Variants in MMP26 observed in about 807,000 individuals in gnomAD.
MMP26 encodes the protein matrix metalloproteinase-26.
MMP26 carries 33 observed loss-of-function variants against 31.0 expected under a neutral mutation model. The observed-to-expected ratio is 1.06, with a 90% confidence interval of 0.81 to 1.42. MMP26 has a LOEUF of 1.42. Among genes scored for constraint, MMP26 ranks in the 40% most tolerant of loss-of-function variants. MMP26 has a pLI of 0.00. For synonymous variants in MMP26, 122 were observed against 114.9 expected, an observed-to-expected ratio of 1.06 and a Z score of -0.40; for missense variants, 347 against 316.1, an observed-to-expected ratio of 1.10 and a Z score of -0.74.
rs78476023 is a variant in MMP26, at chr11:4,798,124, C to T, written c.-145+30783C>T. On this transcript the variant is annotated intron_variant, in intron 2 of 7. Coordinates refer to ENST00000380390, the MANE Select transcript of MMP26 (RefSeq NM_021801.5). ...AGAGAATTTCAAATCTCTTTTACGA[C>T]GGCCCATACTTAAGATAGACATGTT... is the stretch of plus-strand genomic sequence containing the variant. Among the ~76,000 whole-genome samples the T allele has an allele frequency of 5.0e-3, 764 of 152,294 alleles. 6 individuals carry two copies. The highest frequency in any genetic ancestry group is 0.017 in the African/African-American group (719 of 41,554).
chr11:4,946,076 T>C (rs1589947341), intron 2 of MMP26: 1 of 1,235,572 alleles, frequency 8.1e-7, no homozygotes, highest in East Asian at 2.3e-5. Flanking sequence ...GTGTTGATAA[T>C]TCTTGGTGTC....
chr11:4,804,068 A>G, intron 2 of MMP26: 1 of 1,614,108 alleles, frequency 6.2e-7, no homozygotes, highest in Non-Finnish European at 8.5e-7. Context: ...TGGATGAAGA[A>G]CACCTGGATG....
At chr11:4,907,095 T>A (rs370515395) in intron 2 of MMP26, among the ~76,000 whole-genome samples, 10 of 55,126 alleles carry the variant, frequency 1.8e-4, no homozygotes, top group South Asian at 7.7e-4. Flanking sequence ...AAACTCCCTC[T>A]AAAAAAAAAA....
intron 2 of MMP26, among the ~76,000 whole-genome samples, chr11:4,878,467 T>C (rs1425900319): frequency 6.6e-6 from 1 of 152,058 alleles, no homozygotes; most frequent in Non-Finnish European, 1.5e-5. Flanking sequence ...GAGAAAATGG[T>C]GCATTCAGTG....
intron 2 of MMP26, among the ~76,000 whole-genome samples, chr11:4,901,859 AAAT>A (rs1202664917): frequency 1.3e-5 from 2 of 152,204 alleles, no homozygotes; most frequent in African/African-American, 2.4e-5. Flanking sequence ...TGGGTCAATA[AAAT>A]ATTATGCAAA....
intron 2 of MMP26, among the ~76,000 whole-genome samples, chr11:4,918,410 T>G (rs1851130943): frequency 6.6e-6 from 1 of 152,124 alleles, no homozygotes. Context: ...AACTTGTGCT[T>G]CAGATTGTAA....
intron 2 of MMP26, among the ~76,000 whole-genome samples, chr11:4,823,355 T>C (rs1287289823): frequency 6.6e-6 from 1 of 152,174 alleles, no homozygotes; most frequent in Non-Finnish European, 1.5e-5. Flanking sequence ...AGCAAAGTCC[T>C]AGTCCATGTA....
chr11:4,855,856 A>G (rs1850043846), intron 2 of MMP26, among the ~76,000 whole-genome samples: 1 of 152,248 alleles, frequency 6.6e-6, no homozygotes. Context: ...GAAGCCCACC[A>G]CATTAACAGT....
chr11:4,755,483 C>T (rs1418968853), intron 1 of MMP26, among the ~76,000 whole-genome samples: 2 of 151,892 alleles, frequency 1.3e-5, no homozygotes, highest in African/African-American at 4.8e-5. Flanking sequence ...TATAAAGTAA[C>T]AAGGATTTTA....
intron 2 of MMP26, among the ~76,000 whole-genome samples, chr11:4,837,808 G>A (rs1849739152): frequency 6.6e-6 from 1 of 152,064 alleles, no homozygotes; most frequent in Non-Finnish European, 1.5e-5. Flanking sequence ...AGGCTCTGCT[G>A]TGAAAGAGAG....
intron 2 of MMP26, among the ~76,000 whole-genome samples, chr11:4,961,121 G>T (rs1846515013): frequency 6.6e-6 from 1 of 152,298 alleles, no homozygotes; most frequent in South Asian, 2.1e-4. Flanking sequence ...GAGATCTCAA[G>T]AAATTTTGTC....
intron 1 of MMP26, among the ~76,000 whole-genome samples, chr11:4,746,831 T>TCACACATACACACA (rs1554929540): frequency 7.3e-6 from 1 of 137,116 alleles, no homozygotes; most frequent in African/African-American, 2.8e-5. Context: ...TAAGTCTCTG[T>TCACACATACACACA]CACACACACA....
chr11:4,767,876 A>G (rs1403880137), intron 2 of MMP26, among the ~76,000 whole-genome samples: 1 of 152,126 alleles, frequency 6.6e-6, no homozygotes, highest in African/African-American at 2.4e-5. Flanking sequence ...CTCTGATTTT[A>G]TTCTGCCATT....
At chr11:4,724,005 C>G (rs1309990756) in intron 1 of MMP26, 1 of 702,036 alleles carries the variant, frequency 1.4e-6, no homozygotes, top group Non-Finnish European at 2.6e-6. Context: ...TGCCGCTGGA[C>G]CCACCATAAC....
intron 2 of MMP26, among the ~76,000 whole-genome samples, chr11:4,868,890 A>T (rs1018113415): frequency 6.6e-6 from 1 of 152,210 alleles, no homozygotes; most frequent in East Asian, 1.9e-4. Flanking sequence ...ATGGAACAGA[A>T]CAGAGCCCTC....
At chr11:4,933,464 A>G (rs1851379859) in intron 2 of MMP26, among the ~76,000 whole-genome samples, 1 of 125,374 alleles carries the variant, frequency 8.0e-6, no homozygotes. Context: ...ACGGTATGTA[A>G]AATGATTAAG....
At position 4,882,972 on chromosome 11, in the gene MMP26, A is replaced by T. The variant is rs998200639; in HGVS notation, c.-144-105096A>T. Reference sequence around the variant, plus strand: ...CCACAGGTGTTTTGGTTGCTGAGTCAATTCCAATTGAATTTTAGGAGTGGG... The same window carrying T: ...CCACAGGTGTTTTGGTTGCTGAGTCTATTCCAATTGAATTTTAGGAGTGGG... On this transcript the variant is annotated intron_variant, in intron 2 of 7. Coordinates refer to ENST00000380390, the MANE Select transcript of MMP26 (RefSeq NM_021801.5). The T allele has an allele frequency of 1.0e-5, 10 of 988,864 alleles. No homozygotes were observed. The African/African-American group carries it at 1.6e-4, about 16-fold the overall frequency. 61.3% of individuals were successfully genotyped at this position (988,864 alleles called of 1,614,324 possible).
At chr11:4,774,015 A>G (rs1848760149) in intron 2 of MMP26, among the ~76,000 whole-genome samples, 1 of 152,188 alleles carries the variant, frequency 6.6e-6, no homozygotes, top group African/African-American at 2.4e-5. Context: ...TATATGTACC[A>G]CATTTTCTTT....
chr11:4,795,901 T>G (rs150455440), intron 2 of MMP26, among the ~76,000 whole-genome samples: 312 of 152,126 alleles, frequency 2.1e-3, no homozygotes, highest in Non-Finnish European at 3.6e-3. Context: ...ATTCTTACAT[T>G]GTTTTCATTT....
Sources: allele counts gnomAD v4.1 joint callset (sites outside exome capture counted in the v4.1 genomes callset), GRCh38; gene constraint gnomAD v4.1.1; transcripts MANE v1.5; gene names NCBI Gene and HGNC (gene_info 2026-07-23, HGNC 2026-07-21).